Variants in MICU2 observed in about 807,000 individuals in gnomAD.
MICU2 encodes calcium uptake protein 2, mitochondrial.
Under a neutral mutation model 60.4 loss-of-function variants are expected in MICU2, and 64 were observed. The observed-to-expected ratio is 1.06, with a 90% CI of 0.87 to 1.31. The LOEUF (loss-of-function observed/expected upper bound fraction) is 1.31, where lower values mean the gene tolerates loss of function less well. Among genes scored for constraint, MICU2 ranks in the 50% most tolerant of loss-of-function variants. The pLI, the probability that MICU2 is intolerant of heterozygous loss-of-function variation, is 0.00. For synonymous variants in MICU2, 201 were observed against 175.0 expected, an observed-to-expected ratio of 1.15 and a Z score of -1.17; for missense variants, 569 against 531.0, an observed-to-expected ratio of 1.07 and a Z score of -0.70.
intron 7 of MICU2, among the ~76,000 whole-genome samples, chr13:21,512,287 A>T (rs140314056): frequency 6.6e-6 from 1 of 152,040 alleles, no homozygotes; most frequent in African/African-American, 2.4e-5. Flanking sequence ...CCAGTTTTTA[A>T]TTGGGTTGTT....
intron 6 of MICU2, among the ~76,000 whole-genome samples, chr13:21,520,565 A>C (rs755926428): frequency 6.6e-6 from 1 of 152,148 alleles, no homozygotes; most frequent in Non-Finnish European, 1.5e-5. Flanking sequence ...ATATATATCT[A>C]TATTTTCTTT....
intron 7 of MICU2, 113 bp downstream of exon 7, chr13:21,514,239 TA>T: frequency 6.0e-6 from 5 of 837,200 alleles, no homozygotes; most frequent in Non-Finnish European, 5.7e-6. Flanking sequence ...ATGACTGTAT[TA>T]AAAAAATTAA....
At chr13:21,544,296 A>T (rs75168590) in intron 2 of MICU2, among the ~76,000 whole-genome samples, 4,115 of 152,272 alleles carry the variant, frequency 0.027, 184 homozygotes, top group African/African-American at 0.092. Flanking sequence ...CAACAAAAGC[A>T]AAAAATAAAT....
intron 11 of MICU2, among the ~76,000 whole-genome samples, chr13:21,494,090 A>G (rs1885930428): frequency 6.6e-6 from 1 of 152,186 alleles, no homozygotes; most frequent in South Asian, 2.1e-4. Context: ...CTCAATTGTG[A>G]ACTGAAAAGA....
chr13:21,586,293 ATGTAGAATTAGTCT>A (rs1888454822), intron 1 of MICU2, among the ~76,000 whole-genome samples: 1 of 152,204 alleles, frequency 6.6e-6, no homozygotes, highest in Admixed American at 6.5e-5. Context: ...TAGAAGGAAA[ATGTAGAATTAGTCT>A]ATAATCAGCT....
At chr13:21,571,193 G>A (rs1888099335) in intron 1 of MICU2, among the ~76,000 whole-genome samples, 1 of 151,820 alleles carries the variant, frequency 6.6e-6, no homozygotes, top group Admixed American at 6.6e-5. Context: ...TTTTCACTGT[G>A]GCATATTCGT....
intron 6 of MICU2, among the ~76,000 whole-genome samples, chr13:21,516,961 C>A (rs536690256): frequency 1.3e-5 from 2 of 152,254 alleles, no homozygotes; most frequent in South Asian, 4.1e-4. Flanking sequence ...GCACTAAAAC[C>A]CTGGCATGTA....
rs146408794 is a variant in MICU2 at position 21,573,156 on chromosome 13, T to C, written c.211-6212A>G. ...GAAAATAGAGCTGTGAGTGGAGACG[T>C]AGTCTTTCAGAAAAATAAAGGTAGA... On this transcript the variant is annotated intron_variant, in intron 1 of 11. Coordinates refer to ENST00000382374, the MANE Select transcript of MICU2 (RefSeq NM_152726.3). Among the ~76,000 whole-genome samples the C allele has an allele frequency of 5.1e-3, 777 of 152,354 alleles. 5 individuals carry two copies. Among genetic ancestry groups the C allele is most frequent in the African/African-American group, 0.018 (728 of 41,574 alleles).
chr13:21,566,239 A>G (rs1887978501), intron 2 of MICU2, among the ~76,000 whole-genome samples: 1 of 152,234 alleles, frequency 6.6e-6, no homozygotes, highest in African/African-American at 2.4e-5. Flanking sequence ...GGCGTCAGAA[A>G]GCCAACAAGT....
At chr13:21,521,085 T>C (rs1464593544) in intron 6 of MICU2, among the ~76,000 whole-genome samples, 160 bp downstream of exon 6, 1 of 152,146 alleles carries the variant, frequency 6.6e-6, no homozygotes, top group Non-Finnish European at 1.5e-5. Flanking sequence ...GTCCTTATGG[T>C]TGTATTATAG....
chr13:21,569,514 C>T (rs1888058520), intron 1 of MICU2, among the ~76,000 whole-genome samples: 3 of 152,096 alleles, frequency 2.0e-5, no homozygotes, highest in Admixed American at 2.0e-4. Flanking sequence ...CCATCTCCTA[C>T]TATTAGTCTT....
intron 2 of MICU2, among the ~76,000 whole-genome samples, chr13:21,553,924 A>G (rs1344853124): frequency 6.6e-6 from 1 of 152,222 alleles, no homozygotes; most frequent in Non-Finnish European, 1.5e-5. Flanking sequence ...AAAGATCAAA[A>G]GAGACACAGA....
At chr13:21,562,993 A>G (rs558879582) in intron 2 of MICU2, among the ~76,000 whole-genome samples, 1 of 152,232 alleles carries the variant, frequency 6.6e-6, no homozygotes, top group East Asian at 1.9e-4. Context: ...TTGAAGGATA[A>G]TTTTCACTAG....
chr13:21,539,632 C>T, intron 3 of MICU2, 25 bp downstream of exon 3: 1 of 1,614,044 alleles, frequency 6.2e-7, no homozygotes, highest in Non-Finnish European at 8.5e-7. Context: ...AAAACAAACC[C>T]TGCCCCCCAC....
intron 2 of MICU2, among the ~76,000 whole-genome samples, chr13:21,557,986 C>T (rs1042398462): frequency 6.6e-6 from 1 of 152,142 alleles, no homozygotes; most frequent in Non-Finnish European, 1.5e-5. Context: ...CTGTTACCTG[C>T]TTTTGTCCAG....
chr13:21,532,359 C>T (rs999982429), intron 4 of MICU2, among the ~76,000 whole-genome samples: 3 of 152,144 alleles, frequency 2.0e-5, no homozygotes. Context: ...CATACTTATG[C>T]CTCAAAAATA....
intron 6 of MICU2, among the ~76,000 whole-genome samples, chr13:21,517,602 C>G (rs1427281908): frequency 6.6e-6 from 1 of 152,032 alleles, no homozygotes; most frequent in Non-Finnish European, 1.5e-5. Context: ...ATGGTGAAAC[C>G]CTGTCTCTAC....
intron 4 of MICU2, chr13:21,530,790 A>G (rs1186227997): frequency 3.0e-6 from 2 of 672,246 alleles, no homozygotes; most frequent in Admixed American, 2.2e-5. Flanking sequence ...CAGCAGCACC[A>G]GGAAGAGATG....
At chr13:21,571,774 C>T (rs2138046170) in intron 1 of MICU2, among the ~76,000 whole-genome samples, 1 of 152,278 alleles carries the variant, frequency 6.6e-6, no homozygotes, top group Middle Eastern at 3.4e-3. Flanking sequence ...CAGGAGTTTG[C>T]CAAGACAGGG....
Sources: gnomAD v4.1 joint callset for allele counts (sites outside exome capture counted in the v4.1 genomes callset) on GRCh38, gnomAD v4.1.1 for gene constraint, MANE v1.5 for transcripts, NCBI Gene and HGNC (gene_info 2026-07-23, HGNC 2026-07-21) for gene names.